VPS37A: variants seen among roughly 807,000 people sequenced by gnomAD.
VPS37A encodes the protein VPS37A subunit of ESCRT-I, also known as vacuolar protein sorting-associated protein 37A.
In VPS37A, 30 loss-of-function variants were observed where a neutral mutation model predicts 49.8. The ratio of observed to expected loss-of-function variants is 0.60; its 90% CI spans 0.45 to 0.82. The LOEUF (loss-of-function observed/expected upper bound fraction) is 0.82, where lower values mean the gene tolerates loss of function less well. Among genes scored for constraint, VPS37A ranks in the 40% least tolerant of loss-of-function variants. VPS37A has a pLI of 0.00. For missense variants in VPS37A, 593 were observed against 464.4 expected, an observed-to-expected ratio of 1.28 and a Z score of -2.55; for synonymous variants, 195 against 160.6, an observed-to-expected ratio of 1.21 and a Z score of -1.62.
downstream of VPS37A, among the ~76,000 whole-genome samples, chr8:17,304,782 T>TG (rs1174877093): frequency 6.6e-6 from 1 of 151,682 alleles, no homozygotes; most frequent in African/African-American, 2.4e-5. Flanking sequence ...GCTGTTCTTT[T>TG]GGGGGGAGTT....
intron 10 of VPS37A, among the ~76,000 whole-genome samples, chr8:17,285,837 T>C (rs986555507): frequency 2.0e-5 from 3 of 152,314 alleles, no homozygotes; most frequent in East Asian, 3.9e-4. Context: ...AGTTAGATAA[T>C]TGATATAAAG....
the VPS37A span, among the ~76,000 whole-genome samples, chr8:17,325,765 CT>C: frequency 6.9e-6 from 1 of 144,410 alleles, no homozygotes; most frequent in African/African-American, 2.8e-5. Context: ...GAGACAAACA[CT>C]TCTGAAACTG....
chr8:17,273,567 C>T (rs141412536), intron 4 of VPS37A, among the ~76,000 whole-genome samples: 5,340 of 152,208 alleles, frequency 0.035, 149 homozygotes, highest in Non-Finnish European at 0.051. Context: ...GGGGTTTCAC[C>T]GTGTTAGCCA....
At chr8:17,277,270 A>G (rs1160365786) in intron 6 of VPS37A, among the ~76,000 whole-genome samples, 1 of 152,168 alleles carries the variant, frequency 6.6e-6, no homozygotes, top group African/African-American at 2.4e-5. Context: ...AATAAAATGA[A>G]TATTTACAAT....
At chr8:17,306,403 A>G (rs2150473741), downstream of VPS37A, among the ~76,000 whole-genome samples, 1 of 152,078 alleles carries the variant, frequency 6.6e-6, no homozygotes, top group African/African-American at 2.4e-5. Flanking sequence ...AAAAAAAAAT[A>G]GTGGTTTCCC....
At position 17,265,968 on chromosome 8, in the gene VPS37A, A is replaced by C; in HGVS notation, c.187A>C (p.Ile63Leu). Reference sequence around the variant, plus strand: ...GCCATTCACCATAAACAACCTGACAATTAACATTAATATGTGAGTAGAATT... The same window carrying C: ...GCCATTCACCATAAACAACCTGACACTTAACATTAATATGTGAGTAGAATT... ...RLPFTINNLT[I>L]NINILLPPQF... The change falls in exon 2 of 12, where the codon ATT becomes CTT. Residue 63 changes from isoleucine (I) to leucine (L), a missense_variant. Ile to Leu is a conservative substitution (Grantham distance 5). Transcript: ENST00000324849. The C allele has an allele frequency of 3.7e-6, 6 of 1,612,480 alleles. No individual in the cohort carries two copies. Among genetic ancestry groups the C allele is most frequent in the Non-Finnish European group, 5.1e-6 (6 of 1,179,294 alleles).
At position 17,246,990 on chromosome 8, in the gene VPS37A, T is replaced by G; in HGVS notation, c.-255T>G. On this transcript the variant is annotated 5_prime_UTR_variant, in exon 1 of 12. Transcript: ENST00000324849. ...GGCCAGGCTCCCTGGCTGGCCGGTT[T>G]GGGCGTCTGGGCCGTGAAGGTGGGA... 1 of 503,492 alleles carries G rather than the reference T, an allele frequency of 2.0e-6. No homozygotes were observed. Among genetic ancestry groups the G allele is most frequent in the Non-Finnish European group, 3.5e-6 (1 of 283,474 alleles). The allele number at this position is 503,492 out of a possible 1,614,324, so 31.2% of individuals were successfully genotyped here. A position where few individuals can be genotyped will look rare whatever the true frequency, so the allele number is the denominator to read the frequency against.
chr8:17,276,781 C>G (rs1252611221), intron 6 of VPS37A, among the ~76,000 whole-genome samples: 1 of 152,036 alleles, frequency 6.6e-6, no homozygotes, highest in African/African-American at 2.4e-5. Context: ...CTGACAATTT[C>G]AAAATATATC....
intron 6 of VPS37A, among the ~76,000 whole-genome samples, chr8:17,277,984 C>T (rs1450423175): frequency 6.6e-6 from 1 of 151,408 alleles, no homozygotes. Context: ...GTACATACAT[C>T]CATGCGTGTA....
chr8:17,252,953 G>A (rs1812111036), intron 1 of VPS37A, among the ~76,000 whole-genome samples: 1 of 152,098 alleles, frequency 6.6e-6, no homozygotes, highest in Non-Finnish European at 1.5e-5. Flanking sequence ...CTGTAATTAA[G>A]TTAAAACTTT....
the VPS37A span, among the ~76,000 whole-genome samples, chr8:17,332,079 A>G: frequency 6.6e-6 from 1 of 152,178 alleles, no homozygotes; most frequent in Non-Finnish European, 1.5e-5. Context: ...ATCGGTTTCT[A>G]GAATGTGTAA....
At chr8:17,278,925 C>G (rs1814773409) in intron 6 of VPS37A, among the ~76,000 whole-genome samples, 1 of 151,986 alleles carries the variant, frequency 6.6e-6, no homozygotes, top group Admixed American at 6.6e-5. Flanking sequence ...ATAGTCAAAA[C>G]TAAGATACGT....
intron 1 of VPS37A, among the ~76,000 whole-genome samples, chr8:17,256,766 C>A (rs926379440): frequency 2.6e-5 from 4 of 152,010 alleles, no homozygotes; most frequent in Non-Finnish European, 5.9e-5. Flanking sequence ...AATTTTCCTG[C>A]CTCAGCCTTC....
Position 17,274,750 on chromosome 8 carries a change from G to T in VPS37A, c.434G>T (p.Ser145Ile), listed in dbSNP as rs1405114846. Residue 145 changes from serine to isoleucine, a missense_variant, in exon 5 of 12, where the codon AGT (serine) becomes ATT (isoleucine). Ser to Ile is a moderately radical substitution (Grantham distance 142). Coordinates refer to ENST00000324849, the MANE Select transcript of VPS37A (RefSeq NM_152415.3). ...CTTTTCAGTCTATACAGTAACCCAA[G>T]TGGGATGTCTCCTTATGCTTCTCAG... ...TAFPYLYSNPSGMSPYASQGF... is the reference protein window; with the variant it reads ...TAFPYLYSNPIGMSPYASQGF... 6.2e-7 allele frequency: 1 copy of T among 1,613,856 alleles called. No homozygotes were observed. Among genetic ancestry groups the T allele is most frequent in the East Asian group, 2.2e-5 (1 of 44,886 alleles).
At chr8:17,313,186 G>T in the VPS37A span, 2 of 757,244 alleles carry the variant, frequency 2.6e-6, no homozygotes, top group South Asian at 1.8e-5. Context: ...TATCCAGTCA[G>T]TGCAGTGCAG....
intron 1 of VPS37A, among the ~76,000 whole-genome samples, chr8:17,251,035 C>T (rs1439510257): frequency 6.6e-6 from 1 of 152,162 alleles, no homozygotes; most frequent in African/African-American, 2.4e-5. Flanking sequence ...GTTTCTTATA[C>T]TTCCTGAGGA....
rs1816703517 is a variant in VPS37A, at chr8:17,297,009, G to C, written c.*2023G>C. The C allele has an allele frequency of 6.6e-6, 1 of 152,104 alleles. No individual in the cohort carries two copies. The allele number at this position is 152,104 out of a possible 1,614,324, so 9.4% of individuals were successfully genotyped here. A position where few individuals can be genotyped will look rare whatever the true frequency, so the allele number is the denominator to read the frequency against. ...TTTGAATATGCCCGTATGAATGTGG[G>C]TTCTGTTTTTGCAACAGAGATTAAG... On this transcript the variant is annotated 3_prime_UTR_variant, in exon 12 of 12. Transcript: ENST00000324849.
chr8:17,267,971 A>G (rs1197137071), intron 2 of VPS37A, among the ~76,000 whole-genome samples: 1 of 152,256 alleles, frequency 6.6e-6, no homozygotes, highest in African/African-American at 2.4e-5. Flanking sequence ...ATAGCTTGGT[A>G]TATTGTGTTT....
At chr8:17,274,147 C>T (rs1563265432) in intron 4 of VPS37A, among the ~76,000 whole-genome samples, 1 of 152,166 alleles carries the variant, frequency 6.6e-6, no homozygotes, top group Non-Finnish European at 1.5e-5. Context: ...TAAATACTGA[C>T]TATATTGTTC....
Sources: allele counts gnomAD v4.1 joint callset (sites outside exome capture counted in the v4.1 genomes callset), GRCh38; gene constraint gnomAD v4.1.1; transcripts MANE v1.5; gene names NCBI Gene and HGNC (gene_info 2026-07-23, HGNC 2026-07-21).